Variants in LIFR observed in about 807,000 individuals in gnomAD.
The protein encoded by LIFR is LIF receptor subunit alpha.
LIFR carries 84 observed loss-of-function variants against 122.2 expected under a neutral mutation model. That is an observed-to-expected ratio of 0.69 (90% CI 0.58 to 0.82). The LOEUF (loss-of-function observed/expected upper bound fraction) is 0.82, where lower values mean the gene tolerates loss of function less well. LIFR is among the 40% of genes least tolerant of loss of function. The probability of loss-of-function intolerance (pLI) is 0.00; values close to 1 mark genes in which losing one functional copy is unlikely to be tolerated. For synonymous variants in LIFR, 422 were observed against 434.7 expected (o/e 0.97, Z 0.36); for missense variants, 1,294 against 1,311.6 (o/e 0.99, Z 0.21).
At chr5:38,579,243 G>C (rs1006038764) in intron 1 of LIFR, 1 of 152,108 alleles carries the variant, frequency 6.6e-6, no homozygotes, top group Non-Finnish European at 1.5e-5. Flanking sequence ...CTGGCTCTTC[G>C]AGTGTCTGAT....
intron 19 of LIFR, 111 bp downstream of exon 19, chr5:38,482,478 T>C (rs930106921): frequency 1.4e-6 from 1 of 697,980 alleles, no homozygotes; most frequent in Non-Finnish European, 2.5e-6. Flanking sequence ...AGTATATAAT[T>C]TTCCCAATAC....
At chr5:38,495,342 TGTCTCC>T (rs1247225987) in intron 13 of LIFR, among the ~76,000 whole-genome samples, 1 of 152,242 alleles carries the variant, frequency 6.6e-6, no homozygotes, top group African/African-American at 2.4e-5. Flanking sequence ...TTCACATCTC[TGTCTCC>T]TTCATTTTTT....
chr5:38,547,796 T>A (rs953327237), intron 1 of LIFR, among the ~76,000 whole-genome samples: 2 of 152,172 alleles, frequency 1.3e-5, no homozygotes, highest in Admixed American at 1.3e-4. Flanking sequence ...CAAACCTACA[T>A]GGTATAGTCT....
chr5:38,592,652 G>A (rs1808989), intron 1 of LIFR, among the ~76,000 whole-genome samples: 68,423 of 141,174 alleles, frequency 0.48, 16,994 homozygotes, highest in African/African-American at 0.65. Flanking sequence ...GCGAGACTCC[G>A]TCTCAAAAAA....
At chr5:38,505,621 A>G (rs1386743971) in intron 9 of LIFR, among the ~76,000 whole-genome samples, 1 of 152,212 alleles carries the variant, frequency 6.6e-6, no homozygotes, top group Non-Finnish European at 1.5e-5. Flanking sequence ...CCAGTGAGTC[A>G]ACAATTACTT....
chr5:38,567,145 C>A (rs1269620614), intron 1 of LIFR, among the ~76,000 whole-genome samples: 1 of 152,142 alleles, frequency 6.6e-6, no homozygotes, highest in East Asian at 1.9e-4. Context: ...GGAAGAGGCA[C>A]CATCTTTCAC....
Position 38,479,683 on chromosome 5 carries a change from A to G in LIFR, c.*1912T>C, listed in dbSNP as rs1743887068. 1.3e-5 allele frequency: 3 copies of G among 231,296 alleles called. No homozygotes were observed. Among genetic ancestry groups the G allele is most frequent in the Non-Finnish European group, 2.6e-5 (3 of 116,886 alleles). 14.3% of individuals were successfully genotyped at this position (231,296 alleles called of 1,614,324 possible). A position where few individuals can be genotyped will look rare whatever the true frequency, so the allele number is the denominator to read the frequency against. On this transcript the variant is annotated 3_prime_UTR_variant, in exon 20 of 20. Transcript: ENST00000453190. Reference sequence around the variant, plus strand: ...AACAAGGCAGGAGTTGAGGGCAAGCAGACAATGCTAACAGCAAGCTTTGGC... The same window carrying G: ...AACAAGGCAGGAGTTGAGGGCAAGCGGACAATGCTAACAGCAAGCTTTGGC...
intron 1 of LIFR, among the ~76,000 whole-genome samples, chr5:38,583,116 C>A (rs979713303): frequency 6.6e-6 from 1 of 152,166 alleles, no homozygotes; most frequent in African/African-American, 2.4e-5. Context: ...ACATACGTAA[C>A]GTGTTCAATT....
At chr5:38,585,541 G>T (rs1312528402) in intron 1 of LIFR, among the ~76,000 whole-genome samples, 2 of 152,194 alleles carry the variant, frequency 1.3e-5, no homozygotes, top group Non-Finnish European at 2.9e-5. Context: ...GTTAGAAGAA[G>T]AAATGCTGTG....
intron 9 of LIFR, among the ~76,000 whole-genome samples, chr5:38,504,612 G>A (rs776080934): frequency 3.3e-5 from 5 of 152,118 alleles, no homozygotes; most frequent in Admixed American, 6.6e-5. Context: ...ATGCAGAAAA[G>A]CATTTTAGGC....
intron 8 of LIFR, among the ~76,000 whole-genome samples, 182 bp from the exon 9 acceptor site, chr5:38,506,256 T>G (rs1638692901): frequency 6.6e-6 from 1 of 152,190 alleles, no homozygotes; most frequent in African/African-American, 2.4e-5. Flanking sequence ...CAGCCATAAG[T>G]TTACTACCGA....
rs1350203201 is a variant in LIFR, at chr5:38,476,807, C to T, written c.*4788G>A. Reference sequence around the variant, plus strand: ...CATTCAGAGGGTTTTCCCCTTAACACACAACTTTTAATTCTCATGAAAATG... The same window carrying T: ...CATTCAGAGGGTTTTCCCCTTAACATACAACTTTTAATTCTCATGAAAATG... On this transcript the variant is annotated 3_prime_UTR_variant, in exon 20 of 20. Transcript: ENST00000453190. 2 of 212,146 alleles carry T rather than the reference C, an allele frequency of 9.4e-6. No homozygotes were observed. The highest frequency in any genetic ancestry group is 4.5e-5 in the African/African-American group (2 of 44,164). 13.1% of individuals were successfully genotyped at this position (212,146 alleles called of 1,614,324 possible).
chr5:38,521,144 A>G (rs1231634740), intron 5 of LIFR, among the ~76,000 whole-genome samples: 1 of 152,066 alleles, frequency 6.6e-6, no homozygotes, highest in Admixed American at 6.6e-5. Flanking sequence ...AGATCTTCCA[A>G]CTACTTGGTT....
chr5:38,486,374 G>C (rs767165687), intron 16 of LIFR, among the ~76,000 whole-genome samples: 6 of 152,174 alleles, frequency 3.9e-5, no homozygotes, highest in Admixed American at 6.5e-5. Flanking sequence ...CCATGAGTGA[G>C]AGTGAAAGAT....
chr5:38,553,100 C>A (rs1748292843), intron 1 of LIFR, among the ~76,000 whole-genome samples: 1 of 152,186 alleles, frequency 6.6e-6, no homozygotes, highest in Admixed American at 6.5e-5. Context: ...CCTTTCCTTT[C>A]ACCAACTCCA....
intron 1 of LIFR, among the ~76,000 whole-genome samples, chr5:38,578,036 T>C (rs116742042): frequency 0.011 from 1,742 of 152,262 alleles, 25 homozygotes; most frequent in African/African-American, 0.039. Flanking sequence ...ACAGTGGCTT[T>C]AGAGTGGCAT....
intron 1 of LIFR, among the ~76,000 whole-genome samples, chr5:38,584,372 C>T (rs540362348): frequency 1.3e-5 from 2 of 152,102 alleles, no homozygotes; most frequent in South Asian, 4.2e-4. Flanking sequence ...ATGAAATCAC[C>T]CACTCATAAA....
intron 1 of LIFR, among the ~76,000 whole-genome samples, chr5:38,580,708 C>CT (rs1356313831): frequency 2.4e-4 from 37 of 152,258 alleles, no homozygotes; most frequent in Admixed American, 1.4e-3. Context: ...TAAACCTGCT[C>CT]TTTTTTTCCC....
In LIFR at chr5:38,507,428, G is replaced by A. The variant is rs183365624; in HGVS notation, c.992-796C>T. Among the ~76,000 whole-genome samples the A allele has an allele frequency of 8.4e-4, 128 of 151,972 alleles. 1 individual carries two copies. The highest frequency in any genetic ancestry group is 2.9e-3 in the African/African-American group (122 of 41,454). On this transcript the variant is annotated intron_variant, in intron 7 of 19. Transcript: ENST00000453190. Reference sequence around the variant, plus strand: ...AAAATACAAAAATTAGCCGGGTGTGGTGGAGGGTGCCTGAAGTCTCAGCTA... The same window carrying A: ...AAAATACAAAAATTAGCCGGGTGTGATGGAGGGTGCCTGAAGTCTCAGCTA...
Sources: allele counts gnomAD v4.1 joint callset (sites outside exome capture counted in the v4.1 genomes callset), GRCh38; gene constraint gnomAD v4.1.1; transcripts MANE v1.5; gene names NCBI Gene and HGNC (gene_info 2026-07-23, HGNC 2026-07-21).